Variants in AFF3 observed in about 807,000 individuals in gnomAD.
The protein encoded by AFF3 is ALF transcription elongation factor 3, also known as AF4/FMR2 family member 3.
Under a neutral mutation model 129.7 loss-of-function variants are expected in AFF3, and 32 were observed. The ratio of observed to expected loss-of-function variants is 0.25; its 90% confidence interval spans 0.19 to 0.33. AFF3 has a LOEUF of 0.33. Among genes scored for constraint, AFF3 ranks in the 10% least tolerant of loss-of-function variants. The pLI is 1.00. For missense variants in AFF3, 1,373 were observed against 1,592.0 expected (o/e 0.86, Z 2.34); for synonymous variants, 644 against 635.4 (o/e 1.01, Z -0.20).
chr2:99,955,879 C>T (rs1676592757), intron 7 of AFF3, among the ~76,000 whole-genome samples: 1 of 152,128 alleles, frequency 6.6e-6, no homozygotes, highest in African/African-American at 2.4e-5. Context: ...ATTGAGAATT[C>T]TCTACATAGA....
intron 11 of AFF3, among the ~76,000 whole-genome samples, chr2:99,680,696 T>G (rs990434879): frequency 6.6e-6 from 1 of 152,234 alleles, no homozygotes; most frequent in African/African-American, 2.4e-5. Flanking sequence ...GCATTGAATC[T>G]GTAAGGGTCA....
At chr2:99,861,460 G>A (rs1348853538) in intron 7 of AFF3, among the ~76,000 whole-genome samples, 1 of 152,168 alleles carries the variant, frequency 6.6e-6, no homozygotes, top group Non-Finnish European at 1.5e-5. Flanking sequence ...CTACCACACA[G>A]ACCTGTGTAT....
intron 7 of AFF3, among the ~76,000 whole-genome samples, chr2:99,924,680 T>G (rs1052230117): frequency 6.6e-6 from 1 of 152,202 alleles, no homozygotes; most frequent in Non-Finnish European, 1.5e-5. Flanking sequence ...GTCACATTAC[T>G]TATAAACTCA....
chr2:100,099,106 G>A (rs1288725611), intron 4 of AFF3, among the ~76,000 whole-genome samples: 2 of 140,846 alleles, frequency 1.4e-5, no homozygotes, highest in South Asian at 4.8e-4. Flanking sequence ...CAGAGCTGCT[G>A]TCTACCAATC....
At chr2:99,795,205 C>G (rs1284484611) in intron 8 of AFF3, among the ~76,000 whole-genome samples, 1 of 152,148 alleles carries the variant, frequency 6.6e-6, no homozygotes, top group East Asian at 1.9e-4. Flanking sequence ...GAACACTACT[C>G]AGCCATGAAA....
At chr2:99,778,934 C>A (rs1324968993) in intron 8 of AFF3, among the ~76,000 whole-genome samples, 6 of 141,942 alleles carry the variant, frequency 4.2e-5, no homozygotes, top group African/African-American at 1.6e-4. Flanking sequence ...GTGTGTGTGG[C>A]GGGGTTGGCT....
At chr2:99,582,020 A>G (rs1677612248) in intron 17 of AFF3, among the ~76,000 whole-genome samples, 1 of 151,756 alleles carries the variant, frequency 6.6e-6, no homozygotes, top group Non-Finnish European at 1.5e-5. Context: ...ACGCTAGGCT[A>G]ATTTTTGTAT....
At chr2:99,774,721 A>C (rs1683755837) in intron 8 of AFF3, among the ~76,000 whole-genome samples, 1 of 152,250 alleles carries the variant, frequency 6.6e-6, no homozygotes, top group South Asian at 2.1e-4. Flanking sequence ...AGCAATTGCA[A>C]CAAAAGCAAA....
intron 13 of AFF3, among the ~76,000 whole-genome samples, chr2:99,606,777 G>T (rs184789238): frequency 2.8e-4 from 43 of 152,044 alleles, no homozygotes; most frequent in Admixed American, 5.9e-4. Context: ...AGCCAGACAT[G>T]GTGGCAGGCA....
chr2:99,744,050 T>G, intron 10 of AFF3, 54 bp downstream of exon 10: 25 of 1,251,818 alleles, frequency 2.0e-5, no homozygotes, highest in Non-Finnish European at 2.9e-5. Context: ...CCTTCTGCCC[T>G]CTGCCCCCAC....
chr2:100,105,918 C>T lies in AFF3; in HGVS notation c.-144-335G>A. 2.3e-6 allele frequency: 3 copies of T among 1,330,162 alleles called. No homozygotes were observed. The South Asian group carries it at 3.7e-5, about 16-fold the overall frequency. The allele number at this position is 1,330,162 out of a possible 1,614,324, so 82.4% of individuals were successfully genotyped here. ...AAAGGGAGTCCCTTCCAGCACTCTC[C>T]CCTTTGTTCCTTTTTCTGGGCAAGA... On this transcript the variant is annotated intron_variant, in intron 2 of 24. Transcript: ENST00000672756.
chr2:99,582,130 C>T (rs1324545040), intron 17 of AFF3, among the ~76,000 whole-genome samples: 1 of 152,208 alleles, frequency 6.6e-6, no homozygotes, highest in East Asian at 1.9e-4. Flanking sequence ...GCTGGGATTA[C>T]AGGCATGAGC....
At chr2:99,616,997 T>G (rs2105266089) in intron 13 of AFF3, among the ~76,000 whole-genome samples, 1 of 152,364 alleles carries the variant, frequency 6.6e-6, no homozygotes, top group South Asian at 2.1e-4. Flanking sequence ...ACTTTGCTGC[T>G]TTTCCTGGTT....
At chr2:99,765,027 G>C (rs540385029) in intron 8 of AFF3, among the ~76,000 whole-genome samples, 3 of 152,216 alleles carry the variant, frequency 2.0e-5, no homozygotes, top group Non-Finnish European at 4.4e-5. Context: ...TTGTCAAATC[G>C]TGTTAACTCG....
At chr2:99,651,057 C>T (rs1685201173) in intron 12 of AFF3, among the ~76,000 whole-genome samples, 1 of 151,468 alleles carries the variant, frequency 6.6e-6, no homozygotes, top group South Asian at 2.1e-4. Context: ...TCTGTAATTC[C>T]AGCTACTCGG....
At position 99,655,397 on chromosome 2, in the gene AFF3, A is replaced by C. The variant is rs113213483; in HGVS notation, c.1144-5731T>G. ...AAGAAATAACAAAGCTGAGGCTTAA[A>C]GGATAAAGAAAAATGATCACATCAG... On this transcript the variant is annotated intron_variant, in intron 12 of 24. Coordinates refer to ENST00000672756, the MANE Select transcript of AFF3 (RefSeq NM_001386135.1). 4.0e-3 allele frequency among the ~76,000 whole-genome samples: 608 copies of C among 152,258 alleles called. 1 individual carries two copies. The highest frequency in any genetic ancestry group is 6.3e-3 in the Non-Finnish European group (427 of 68,000).
At chr2:99,605,751 T>C (rs138206063) in intron 13 of AFF3, among the ~76,000 whole-genome samples, 1 of 152,284 alleles carries the variant, frequency 6.6e-6, no homozygotes, top group East Asian at 1.9e-4. Context: ...GTAGTGGTCA[T>C]AGCTCACTGC....
At chr2:100,038,930 G>A (rs34040706) in intron 4 of AFF3, among the ~76,000 whole-genome samples, 23,652 of 151,900 alleles carry the variant, frequency 0.16, 2,092 homozygotes, top group East Asian at 0.29. Context: ...CACCATGTTG[G>A]CCAGGCTGGT....
chr2:99,549,241 A>C lies in AFF3; in HGVS notation c.*2233T>G, dbSNP rs1243864206. ...CCAAAAAAATGACTCAAAATTTCTTAAGTTAGGTTCAAGTTTCTGACATAG... is the reference window on the plus strand; with the variant it reads ...CCAAAAAAATGACTCAAAATTTCTTCAGTTAGGTTCAAGTTTCTGACATAG... On this transcript the variant is annotated 3_prime_UTR_variant, in exon 25 of 25. Transcript: ENST00000672756. 9.7e-6 allele frequency: 2 copies of C among 206,964 alleles called. No homozygotes were observed. Among genetic ancestry groups the C allele is most frequent in the Non-Finnish European group, 2.0e-5 (2 of 101,494 alleles). 12.8% of individuals were successfully genotyped at this position (206,964 alleles called of 1,614,324 possible).
Sources: allele counts gnomAD v4.1 joint callset (sites outside exome capture counted in the v4.1 genomes callset), GRCh38; gene constraint gnomAD v4.1.1; transcripts MANE v1.5; gene names NCBI Gene and HGNC (gene_info 2026-07-23, HGNC 2026-07-21).